IMMP2L: variants seen among roughly 807,000 people sequenced by gnomAD.
IMMP2L encodes mitochondrial inner membrane protease subunit 2.
IMMP2L carries 18 observed loss-of-function variants against 19.3 expected under a neutral mutation model. The observed-to-expected ratio is 0.93, with a 90% CI of 0.64 to 1.38. The LOEUF is 1.38. IMMP2L is among the 40% of genes most tolerant of loss of function. IMMP2L has a pLI of 0.00. For synonymous variants in IMMP2L, 76 were observed against 73.0 expected, an observed-to-expected ratio of 1.04 and a Z score of -0.21; for missense variants, 233 against 218.2, an observed-to-expected ratio of 1.07 and a Z score of -0.43.
chr7:111,124,779 A>C, intron 3 of IMMP2L: 9 of 1,613,840 alleles, frequency 5.6e-6, no homozygotes, highest in Non-Finnish European at 7.6e-6. Context: ...TACAGAAACC[A>C]ACCTTTGCAT....
intron 3 of IMMP2L, among the ~76,000 whole-genome samples, chr7:111,389,902 T>C (rs780836282): frequency 1.4e-4 from 21 of 152,140 alleles, no homozygotes; most frequent in Non-Finnish European, 2.9e-4. Flanking sequence ...AATAAGGATG[T>C]TAAAAGGTGT....
intron 5 of IMMP2L, among the ~76,000 whole-genome samples, chr7:110,692,212 T>G (rs59676217): frequency 0.017 from 2,516 of 152,264 alleles, 69 homozygotes; most frequent in African/African-American, 0.057. Flanking sequence ...AAGGTCATTA[T>G]GTGAAGTGAA....
At chr7:110,882,342 C>CCT (rs1563050922) in intron 5 of IMMP2L, among the ~76,000 whole-genome samples, 2 of 107,048 alleles carry the variant, frequency 1.9e-5, no homozygotes, top group African/African-American at 4.3e-5. Flanking sequence ...CCTTCCTTCC[C>CCT]TCCTTCCTCT....
rs181057346 is a variant in IMMP2L at position 111,396,830 on chromosome 7, A to T, written c.239+90408T>A. ...CTGGGTGCGGTGGCTCACGCCTGTA[A>T]TCCCAGCACTTTGGGAGGCCGAGGA... On this transcript the variant is annotated intron_variant, in intron 3 of 5. Coordinates refer to ENST00000405709, the MANE Select transcript of IMMP2L (RefSeq NM_032549.4). Among the ~76,000 whole-genome samples, 481 of 152,238 alleles carry T rather than the reference A, an allele frequency of 3.2e-3. 3 individuals carry two copies. The highest frequency in any genetic ancestry group is 0.011 in the African/African-American group (465 of 41,562).
chr7:111,036,597 G>A (rs998452783), intron 3 of IMMP2L, among the ~76,000 whole-genome samples: 7 of 151,862 alleles, frequency 4.6e-5, no homozygotes, highest in Non-Finnish European at 1.5e-5. Flanking sequence ...AGATAGTTTA[G>A]CCAAAAAAAA....
At chr7:111,366,549 A>G (rs1829781804) in intron 3 of IMMP2L, among the ~76,000 whole-genome samples, 1 of 151,938 alleles carries the variant, frequency 6.6e-6, no homozygotes, top group South Asian at 2.1e-4. Context: ...CTACATTACT[A>G]GGTACACTGA....
intron 5 of IMMP2L, among the ~76,000 whole-genome samples, chr7:110,867,747 G>C (rs374941871): frequency 1.3e-5 from 2 of 151,902 alleles, no homozygotes; most frequent in African/African-American, 4.8e-5. Flanking sequence ...GCTCCTCCAG[G>C]CCTTTGTTTG....
intron 3 of IMMP2L, among the ~76,000 whole-genome samples, chr7:111,422,613 T>C (rs1432177985): frequency 1.3e-5 from 2 of 151,916 alleles, no homozygotes; most frequent in Non-Finnish European, 2.9e-5. Context: ...TAAGGAGATT[T>C]TGGGTTGAGA....
intron 3 of IMMP2L, among the ~76,000 whole-genome samples, chr7:111,089,964 T>C (rs1796685159): frequency 6.6e-6 from 1 of 151,946 alleles, no homozygotes; most frequent in African/African-American, 2.4e-5. Flanking sequence ...TTGTTTTTTT[T>C]TTCCTAAGTA....
chr7:110,695,636 AGAG>A (rs1793827212), intron 5 of IMMP2L, among the ~76,000 whole-genome samples: 1 of 152,184 alleles, frequency 6.6e-6, no homozygotes, highest in African/African-American at 2.4e-5. Context: ...AGGGGAGAGT[AGAG>A]GAGGGAGCGG....
chr7:111,314,914 G>A (rs531682509), intron 3 of IMMP2L, among the ~76,000 whole-genome samples: 1 of 152,130 alleles, frequency 6.6e-6, no homozygotes, highest in East Asian at 1.9e-4. Flanking sequence ...CTGCTATTTT[G>A]TCATGACTGT....
intron 3 of IMMP2L, among the ~76,000 whole-genome samples, chr7:111,072,073 T>A (rs1795002732): frequency 6.6e-6 from 1 of 152,238 alleles, no homozygotes; most frequent in Middle Eastern, 3.4e-3. Flanking sequence ...ATGATACTAA[T>A]AGCTTACAAC....
At position 111,257,933 on chromosome 7, in the gene IMMP2L, C is replaced by T. The variant is rs543925643; in HGVS notation, c.239+229305G>A. ...TCTCCTAACACTATCCCTCCCCCAGCCCCCCAGCCCCCAACAGGCCTCGGT... is the reference window on the plus strand; with the variant it reads ...TCTCCTAACACTATCCCTCCCCCAGTCCCCCAGCCCCCAACAGGCCTCGGT... On this transcript the variant is annotated intron_variant, in intron 3 of 5. Transcript: ENST00000405709. 5.9e-5 allele frequency among the ~76,000 whole-genome samples: 9 copies of T among 151,838 alleles called. No homozygotes were observed. The South Asian group carries it at 1.7e-3, about 28-fold the overall frequency.
Position 111,260,491 on chromosome 7 carries a change from C to T in IMMP2L, c.239+226747G>A, listed in dbSNP as rs1817201680. 2.0e-5 allele frequency among the ~76,000 whole-genome samples: 3 copies of T among 152,176 alleles called. 1 individual carries two copies. Among genetic ancestry groups the T allele is most frequent in the Admixed American group, 6.5e-5 (1 of 15,268 alleles). On this transcript the variant is annotated intron_variant, in intron 3 of 5. Transcript: ENST00000405709. Reference sequence around the variant, plus strand: ...GTTCACTACAGAGCAGAATATGGTACAAGGTAATTCATTTTTAGACCTAAT... The same window carrying T: ...GTTCACTACAGAGCAGAATATGGTATAAGGTAATTCATTTTTAGACCTAAT...
At chr7:111,330,745 C>T (rs1825794127) in intron 3 of IMMP2L, among the ~76,000 whole-genome samples, 2 of 151,668 alleles carry the variant, frequency 1.3e-5, no homozygotes, top group South Asian at 4.2e-4. Flanking sequence ...AACCAAAAAT[C>T]CAATTTAAAA....
At chr7:111,286,845 A>T (rs1204404721) in intron 3 of IMMP2L, among the ~76,000 whole-genome samples, 2 of 152,186 alleles carry the variant, frequency 1.3e-5, no homozygotes, top group Non-Finnish European at 2.9e-5. Flanking sequence ...CTGAGGTCCC[A>T]GAGATGTAGA....
chr7:111,377,758 T>G (rs975170486), intron 3 of IMMP2L, among the ~76,000 whole-genome samples: 1 of 152,060 alleles, frequency 6.6e-6, no homozygotes, highest in Non-Finnish European at 1.5e-5. Context: ...CCATTTGATA[T>G]ATACTCTAAA....
intron 3 of IMMP2L, among the ~76,000 whole-genome samples, chr7:111,059,486 T>C (rs1793817318): frequency 6.6e-6 from 1 of 152,182 alleles, no homozygotes; most frequent in Non-Finnish European, 1.5e-5. Context: ...CAAAAGCCTG[T>C]AGTTCTCTAA....
chr7:111,425,769 G>C (rs990715439), intron 3 of IMMP2L, among the ~76,000 whole-genome samples: 1 of 151,104 alleles, frequency 6.6e-6, no homozygotes, highest in Non-Finnish European at 1.5e-5. Flanking sequence ...CAAACATTTT[G>C]AACCATAATC....
Sources: allele counts gnomAD v4.1 joint callset (sites outside exome capture counted in the v4.1 genomes callset), GRCh38; gene constraint gnomAD v4.1.1; transcripts MANE v1.5; gene names NCBI Gene and HGNC (gene_info 2026-07-23, HGNC 2026-07-21).